ACOT1: variants seen among roughly 807,000 people sequenced by gnomAD.
ACOT1 encodes acyl-coenzyme A thioesterase 1.
Under a neutral mutation model 15.7 loss-of-function variants are expected in ACOT1, and 8 were observed. The ratio of observed to expected loss-of-function variants is 0.51; its 90% CI spans 0.30 to 0.92. ACOT1 has a LOEUF of 0.92. Among genes scored for constraint, ACOT1 ranks in the 40% least tolerant of loss-of-function variants. ACOT1 has a pLI of 0.06. For synonymous variants in ACOT1, 67 were observed against 241.2 expected, an observed-to-expected ratio of 0.28 and a Z score of 6.69; for missense variants, 151 against 539.4, an observed-to-expected ratio of 0.28 and a Z score of 7.13.
the ACOT1 span, among the ~76,000 whole-genome samples, chr14:73,521,903 A>G: frequency 6.6e-6 from 1 of 152,238 alleles, no homozygotes; most frequent in Non-Finnish European, 1.5e-5. Flanking sequence ...GTTGAGAACC[A>G]ATCCCTTTAA....
At chr14:73,495,047 G>A in the ACOT1 span, among the ~76,000 whole-genome samples, 1 of 117,952 alleles carries the variant, frequency 8.5e-6, no homozygotes, top group Non-Finnish European at 1.8e-5. Context: ...ATAAAAACCC[G>A]AGAAACAAAC....
chr14:73,492,403 G>C, the ACOT1 span: 8 of 1,613,718 alleles, frequency 5.0e-6, no homozygotes, highest in African/African-American at 1.1e-4. This position sits in a 1 kb window ranked among gnomAD's most constrained non-coding sequence, Gnocchi z 4.9. Context: ...TGGATTACAT[G>C]GGGGCCCAGC....
chr14:73,514,040 A>G, the ACOT1 span: 121 of 1,614,194 alleles, frequency 7.5e-5, no homozygotes, highest in East Asian at 2.7e-3. Context: ...CTCAGAGCCC[A>G]GGCAGTCTTC....
At chr14:73,491,620 A>C in the ACOT1 span, 16 of 1,547,314 alleles carry the variant, frequency 1.0e-5, no homozygotes, top group African/African-American at 2.2e-4. Context: ...GCCGGCGGCG[A>C]GCGGCCCGCC....
upstream of ACOT1, among the ~76,000 whole-genome samples, chr14:73,533,806 G>A (rs1378855946): frequency 2.9e-5 from 3 of 104,548 alleles, 1 homozygote; most frequent in Non-Finnish European, 6.0e-5. Context: ...CTAGCGCTTT[G>A]AGAGGCCAAG....
At chr14:73,499,373 C>T in the ACOT1 span, among the ~76,000 whole-genome samples, 1 of 151,956 alleles carries the variant, frequency 6.6e-6, no homozygotes, top group Non-Finnish European at 1.5e-5. Context: ...CCCAGCTACT[C>T]GGAGGCTGAG....
At chr14:73,495,105 A>C in the ACOT1 span, 3 of 728,386 alleles carry the variant, frequency 4.1e-6, no homozygotes, top group East Asian at 2.7e-5. Context: ...CCAAGAGGGA[A>C]GAGAGTACCC....
chr14:73,507,990 C>A, the ACOT1 span: 1 of 720,266 alleles, frequency 1.4e-6, no homozygotes, highest in Non-Finnish European at 2.3e-6. Context: ...AAGTGATCCA[C>A]CTGCCTCGGC....
the ACOT1 span, among the ~76,000 whole-genome samples, chr14:73,505,094 C>T: frequency 1.3e-5 from 2 of 152,076 alleles, no homozygotes; most frequent in Non-Finnish European, 1.5e-5. Context: ...CCATGCCCAG[C>T]TAATTAGAGA....
chr14:73,492,604 C>T, the ACOT1 span: 1 of 1,613,872 alleles, frequency 6.2e-7, no homozygotes, highest in Non-Finnish European at 8.5e-7. This position sits in a 1 kb window ranked among gnomAD's most constrained non-coding sequence, Gnocchi z 4.9. Context: ...TTCCAATTCG[C>T]TGGGAGGCTG....
chr14:73,502,863 AAG>A, the ACOT1 span: 12,584 of 1,525,406 alleles, frequency 8.2e-3, 251 homozygotes, highest in Admixed American at 0.05. Context: ...AAGAATTTAG[AAG>A]AGTGTCTCCT....
At chr14:73,504,378 G>A in the ACOT1 span, among the ~76,000 whole-genome samples, 1 of 152,090 alleles carries the variant, frequency 6.6e-6, no homozygotes, top group Non-Finnish European at 1.5e-5. Context: ...GAGGAGCTGG[G>A]ACTACAGGTG....
the ACOT1 span, chr14:73,491,144 C>A: frequency 1.2e-6 from 2 of 1,607,826 alleles, no homozygotes; most frequent in African/African-American, 2.7e-5. Flanking sequence ...ACGAAAGCAG[C>A]TGCGAAGTGT....
chr14:73,494,501 G>A, the ACOT1 span, among the ~76,000 whole-genome samples: 5 of 152,268 alleles, frequency 3.3e-5, no homozygotes, highest in African/African-American at 1.2e-4. Context: ...AAGTAAAAAT[G>A]ATAGTTCTCC....
At chr14:73,512,004 A>C in the ACOT1 span, 10 of 1,613,810 alleles carry the variant, frequency 6.2e-6, no homozygotes, top group Non-Finnish European at 8.5e-6. Context: ...TTTGGCTCTC[A>C]CCTGAGTCTC....
At chr14:73,522,622 C>G in the ACOT1 span, 1 of 1,614,214 alleles carries the variant, frequency 6.2e-7, no homozygotes. Context: ...GAGAAGGTGG[C>G]CGACCCAGCA....
chr14:73,497,632 CTT>C, the ACOT1 span, among the ~76,000 whole-genome samples: 1 of 146,356 alleles, frequency 6.8e-6, no homozygotes, highest in African/African-American at 2.5e-5. Flanking sequence ...AAAACCCATC[CTT>C]TTTTTTTTTG....
the ACOT1 span, chr14:73,508,295 C>T: frequency 1.2e-6 from 2 of 1,613,446 alleles, no homozygotes; most frequent in Admixed American, 1.7e-5. Context: ...ACACTGTTAC[C>T]TGCCACAGTT....
At position 73,538,680 on chromosome 14, in the gene ACOT1, C is replaced by A. The variant is rs1371381077; in HGVS notation, c.457+802C>A. Among the ~76,000 whole-genome samples, 2 of 100,062 alleles carry A rather than the reference C, an allele frequency of 2.0e-5. 1 individual carries two copies. The highest frequency in any genetic ancestry group is 6.5e-5 in the African/African-American group (2 of 30,738). The allele number at this position is 100,062 out of a possible 152,430, so 65.6% of individuals were successfully genotyped here. ...CACATAATATTAAAAACAAACAAAA[C>A]AAAACAAAAAAAACAGGCCGGACGC... On this transcript the variant is annotated intron_variant, in intron 1 of 2. Coordinates refer to ENST00000311148, the MANE Select transcript of ACOT1 (RefSeq NM_001037161.2).
Sources: gnomAD v4.1 joint callset for allele counts (sites outside exome capture counted in the v4.1 genomes callset) on GRCh38, gnomAD v4.1.1 for gene constraint, Gnocchi (gnomAD v3.1) non-coding constraint, MANE v1.5 for transcripts, NCBI Gene and HGNC (gene_info 2026-07-23, HGNC 2026-07-21) for gene names.